ELMO1: variants seen among roughly 807,000 people sequenced by gnomAD.
ELMO1 encodes the protein engulfment and cell motility 1.
Under a neutral mutation model 98.9 loss-of-function variants are expected in ELMO1, and 26 were observed. That is an observed-to-expected ratio of 0.26 (90% CI 0.19 to 0.36). The LOEUF (loss-of-function observed/expected upper bound fraction) is 0.36, where lower values mean the gene tolerates loss of function less well. Among genes scored for constraint, ELMO1 ranks in the 10% least tolerant of loss-of-function variants. The pLI, the probability that ELMO1 is intolerant of heterozygous loss-of-function variation, is 1.00. For missense variants in ELMO1, 627 were observed against 935.2 expected (o/e 0.67, Z 4.30); for synonymous variants, 346 against 346.0 (o/e 1.00, Z 0.00).
Position 37,145,963 on chromosome 7 carries a change from G to A in ELMO1, c.1087-12729C>T, listed in dbSNP as rs558583826. Among the ~76,000 whole-genome samples, 14 of 152,184 alleles carry A rather than the reference G, an allele frequency of 9.2e-5. No individual in the cohort carries two copies. The South Asian group carries it at 2.5e-3, about 27-fold the overall frequency. ...TCCCTCTCCTCACCTCTTCACCCAGGAGAAATGAATATGTGGGTGTTTCAA... is the reference window on the plus strand; with the variant it reads ...TCCCTCTCCTCACCTCTTCACCCAGAAGAAATGAATATGTGGGTGTTTCAA... On this transcript the variant is annotated intron_variant, in intron 13 of 21. Transcript: ENST00000310758.
intron 4 of ELMO1, among the ~76,000 whole-genome samples, chr7:37,306,551 G>C (rs1380153560): frequency 1.3e-5 from 2 of 152,148 alleles, no homozygotes. Context: ...AGATCCAAAG[G>C]CTGCTCACTG....
At chr7:37,155,919 T>C (rs1296533187) in intron 13 of ELMO1, among the ~76,000 whole-genome samples, 1 of 152,150 alleles carries the variant, frequency 6.6e-6, no homozygotes, top group Non-Finnish European at 1.5e-5. Flanking sequence ...ACCACATAAT[T>C]GGAAGTAAAA....
rs1554427463 is a variant in ELMO1 at position 37,155,492 on chromosome 7, A to ATAAAAAAT, written c.1087-22259_1087-22258insATTTTTTA. 6.9e-3 allele frequency among the ~76,000 whole-genome samples: 1,017 copies of ATAAAAAAT among 148,122 alleles called. 17 individuals carry two copies. The highest frequency in any genetic ancestry group is 0.01 in the Middle Eastern group (3 of 286). The stretch of plus-strand genomic sequence containing the variant: ...AGGAAGAAGCAAACGGAAAGCAAAA[A>ATAAAAAAT]AAAAAAAAAAAAAAAAGCAGGTGTT... On this transcript the variant is annotated intron_variant, in intron 13 of 21. Transcript: ENST00000310758.
intron 1 of ELMO1, among the ~76,000 whole-genome samples, chr7:37,447,802 C>G (rs1251449473): frequency 1.3e-5 from 2 of 151,894 alleles, no homozygotes; most frequent in South Asian, 2.1e-4. Flanking sequence ...CCCAAACACA[C>G]GCGCGCACCC....
At chr7:37,291,802 C>G (rs1208726342) in intron 4 of ELMO1, among the ~76,000 whole-genome samples, 1 of 152,160 alleles carries the variant, frequency 6.6e-6, no homozygotes, top group African/African-American at 2.4e-5. Context: ...GTAGTCCCAG[C>G]TACTCAGGAG....
intron 13 of ELMO1, among the ~76,000 whole-genome samples, chr7:37,191,128 G>A (rs551939959): frequency 4.8e-5 from 7 of 145,780 alleles, no homozygotes; most frequent in African/African-American, 1.5e-4. Flanking sequence ...GGTGGAGCTT[G>A]CAGTGAGCCG....
intron 13 of ELMO1, among the ~76,000 whole-genome samples, chr7:37,188,427 CACACACACACACACACACACACACGCAA>C (rs1475916303): frequency 1.6e-3 from 68 of 43,574 alleles, no homozygotes; most frequent in South Asian, 4.2e-3. Context: ...CACACACACA[CACACACACACACACACACACACACGCAA>C]ACACACACAC....
intron 1 of ELMO1, among the ~76,000 whole-genome samples, chr7:37,359,697 C>G (rs1801625411): frequency 6.6e-6 from 1 of 152,168 alleles, no homozygotes; most frequent in Admixed American, 6.5e-5. Context: ...TTCCTTGGAC[C>G]TTAATATGCA....
chr7:37,179,848 G>A (rs1417057294), intron 13 of ELMO1, among the ~76,000 whole-genome samples: 1 of 152,142 alleles, frequency 6.6e-6, no homozygotes, highest in Non-Finnish European at 1.5e-5. Context: ...TTGGCAGAGG[G>A]AAGTTACACA....
At chr7:37,038,349 G>A (rs1005922422) in intron 15 of ELMO1, among the ~76,000 whole-genome samples, 1 of 152,142 alleles carries the variant, frequency 6.6e-6, no homozygotes, top group Admixed American at 6.5e-5. Flanking sequence ...TTGCTGGCCT[G>A]CCTGTGCAAG....
At chr7:36,967,552 T>C (rs1053561798) in intron 16 of ELMO1, among the ~76,000 whole-genome samples, 1 of 151,924 alleles carries the variant, frequency 6.6e-6, no homozygotes, top group African/African-American at 2.4e-5. Flanking sequence ...AAAGGGAGGG[T>C]GCTGCTGACC....
At chr7:37,319,236 C>T (rs766322221) in intron 2 of ELMO1, among the ~76,000 whole-genome samples, 3 of 152,182 alleles carry the variant, frequency 2.0e-5, no homozygotes, top group African/African-American at 4.8e-5. Flanking sequence ...ATCTACCCAA[C>T]GGTAGCACAC....
intron 2 of ELMO1, among the ~76,000 whole-genome samples, chr7:37,322,254 G>T (rs1049632571): frequency 6.6e-6 from 1 of 152,090 alleles, no homozygotes; most frequent in East Asian, 2.0e-4. Context: ...AAGGCAGGTG[G>T]ATAGTTTGAG....
At chr7:37,257,858 A>G (rs9767909) in intron 6 of ELMO1, among the ~76,000 whole-genome samples, 46,148 of 143,770 alleles carry the variant, frequency 0.32, 7,073 homozygotes, top group Middle Eastern at 0.44. Flanking sequence ...AATTAGCTGC[A>G]TGTGGTGTCA....
intron 1 of ELMO1, among the ~76,000 whole-genome samples, chr7:37,444,984 T>G (rs1031978877): frequency 2.0e-5 from 3 of 152,258 alleles, no homozygotes; most frequent in Non-Finnish European, 2.9e-5. Flanking sequence ...CCCTGGCAAG[T>G]TGGTTAAAAA....
chr7:36,941,014 C>T (rs1010752978), intron 16 of ELMO1, among the ~76,000 whole-genome samples: 3 of 152,172 alleles, frequency 2.0e-5, no homozygotes, highest in South Asian at 2.1e-4. Flanking sequence ...GAGATAGCAT[C>T]GGCTCTCAGC....
chr7:37,271,475 G>C (rs994322637), intron 5 of ELMO1: 32 of 207,264 alleles, frequency 1.5e-4, no homozygotes, highest in Non-Finnish European at 2.7e-4. Context: ...CTGGGCCACA[G>C]GAAGAAGAAG....
Position 37,162,601 on chromosome 7 carries a change from C to A in ELMO1, c.1087-29367G>T, listed in dbSNP as rs561945392. Among the ~76,000 whole-genome samples, 467 of 152,150 alleles carry A rather than the reference C, an allele frequency of 3.1e-3. 3 individuals are homozygous for A. The highest frequency in any genetic ancestry group is 4.7e-3 in the Non-Finnish European group (317 of 68,008). ...CAAGTAGTAACTATTTCACTTGAGA[C>A]GTTTGAATCTTGACAAAGTGAAAAA... On this transcript the variant is annotated intron_variant, in intron 13 of 21. Transcript: ENST00000310758.
intron 1 of ELMO1, among the ~76,000 whole-genome samples, chr7:37,401,089 G>A (rs770639583): frequency 6.6e-5 from 10 of 152,150 alleles, no homozygotes; most frequent in Non-Finnish European, 1.0e-4. Flanking sequence ...ACACTGGGAG[G>A]AAGCTTAAGT....
Sources: gnomAD v4.1 joint callset for allele counts (sites outside exome capture counted in the v4.1 genomes callset) on GRCh38, gnomAD v4.1.1 for gene constraint, MANE v1.5 for transcripts, NCBI Gene and HGNC (gene_info 2026-07-23, HGNC 2026-07-21) for gene names.